Variants in PTPRN2 observed in about 807,000 individuals in gnomAD.
PTPRN2 encodes protein tyrosine phosphatase receptor type N2.
A neutral mutation model predicts 118.8 loss-of-function variants in PTPRN2; 74 were observed. That is an observed-to-expected ratio of 0.62 (90% CI 0.52 to 0.76). PTPRN2 has a LOEUF of 0.76. PTPRN2 is among the 30% of genes least tolerant of loss of function. The pLI is 0.00. For synonymous variants in PTPRN2, 641 were observed against 608.0 expected, an observed-to-expected ratio of 1.05 and a Z score of -0.80; for missense variants, 1,481 against 1,394.4, an observed-to-expected ratio of 1.06 and a Z score of -0.99.
rs1288945557 is a variant in PTPRN2 at position 157,618,323 on chromosome 7, G to A, written c.2344+3039C>T. The A allele has an allele frequency of 6.6e-6, 1 of 152,358 alleles. No homozygotes were observed. Among genetic ancestry groups the A allele is most frequent in the Non-Finnish European group, 1.5e-5 (1 of 68,128 alleles). 9.4% of individuals were successfully genotyped at this position (152,358 alleles called of 1,614,324 possible). ...GGCAGGTGCAGAGGGAGGACTTGAAGGTTCCATCCCTAACAGAGGACAGCG... is the reference window on the plus strand; with the variant it reads ...GGCAGGTGCAGAGGGAGGACTTGAAAGTTCCATCCCTAACAGAGGACAGCG... On this transcript the variant is annotated intron_variant, in intron 15 of 22. Transcript: ENST00000389418. The surrounding 1 kb of genome is among the most constrained non-coding windows in gnomAD (Gnocchi z 4.2).
chr7:158,368,415 A>G (rs905081245), intron 2 of PTPRN2, among the ~76,000 whole-genome samples: 4 of 152,256 alleles, frequency 2.6e-5, no homozygotes, highest in African/African-American at 9.6e-5. Flanking sequence ...TATTCCTACC[A>G]GCATCACTGG....
chr7:157,574,883 C>T (rs1799945525), intron 19 of PTPRN2, among the ~76,000 whole-genome samples: 1 of 152,250 alleles, frequency 6.6e-6, no homozygotes, highest in South Asian at 2.1e-4. Context: ...TGAAAGGTGG[C>T]CTTGGCCGAA....
chr7:157,832,277 G>T (rs942672576), intron 12 of PTPRN2, among the ~76,000 whole-genome samples: 58 of 152,162 alleles, frequency 3.8e-4, no homozygotes, highest in African/African-American at 1.4e-3. Flanking sequence ...GATCAGAGGC[G>T]GCTGCATTCT....
intron 12 of PTPRN2, among the ~76,000 whole-genome samples, chr7:157,790,782 T>G (rs1332498348): frequency 6.6e-6 from 1 of 152,242 alleles, no homozygotes; most frequent in Non-Finnish European, 1.5e-5. Flanking sequence ...ATTAAAAGTT[T>G]GCTATTTCCT....
intron 21 of PTPRN2, among the ~76,000 whole-genome samples, chr7:157,555,844 T>C (rs1019560975): frequency 1.3e-5 from 2 of 152,226 alleles, no homozygotes; most frequent in African/African-American, 4.8e-5. Flanking sequence ...TGACGAATGG[T>C]GATTATTAAG....
chr7:158,014,802 C>T (rs554606606), intron 11 of PTPRN2, among the ~76,000 whole-genome samples: 4 of 152,036 alleles, frequency 2.6e-5, no homozygotes, highest in Admixed American at 2.6e-4. Flanking sequence ...TTCATCCATC[C>T]ACCCGTCCAT....
intron 1 of PTPRN2, among the ~76,000 whole-genome samples, chr7:158,577,684 T>TA (rs1828413596): frequency 6.6e-6 from 1 of 152,186 alleles, no homozygotes; most frequent in South Asian, 2.1e-4. Context: ...TGTAACCTGA[T>TA]AAAACAGACA....
At chr7:157,680,000 C>T (rs1240678787) in intron 13 of PTPRN2, among the ~76,000 whole-genome samples, 2 of 152,180 alleles carry the variant, frequency 1.3e-5, no homozygotes, top group Non-Finnish European at 2.9e-5. Context: ...CCTGACCTTC[C>T]TTTCCCCAGG....
Position 157,737,345 on chromosome 7 carries a change from G to A in PTPRN2, c.1789-54408C>T, listed in dbSNP as rs572562680. Among the ~76,000 whole-genome samples the A allele has an allele frequency of 1.5e-4, 23 of 152,306 alleles. 1 individual carries two copies. In the South Asian group the frequency reaches 4.8e-3, roughly 32 times the overall value. ...TGTCCGTGGTTTGGAGGCTCTGTTC[G>A]CTGAGCCTCAGCACGACCTCAACCT... On this transcript the variant is annotated intron_variant, in intron 12 of 22. Coordinates refer to ENST00000389418, the MANE Select transcript of PTPRN2 (RefSeq NM_002847.5).
chr7:157,658,080 C>T (rs1004326238), intron 13 of PTPRN2, among the ~76,000 whole-genome samples: 9 of 149,738 alleles, frequency 6.0e-5, no homozygotes, highest in South Asian at 2.1e-4. Context: ...TTCAAGAAAG[C>T]ATCCACTGGA....
intron 11 of PTPRN2, among the ~76,000 whole-genome samples, chr7:157,988,063 C>T (rs2128840275): frequency 6.6e-6 from 1 of 152,240 alleles, no homozygotes; most frequent in African/African-American, 2.4e-5. Flanking sequence ...TTGTCTTCTC[C>T]AAGCCAGGGT....
chr7:158,143,226 G>A (rs117346343), intron 6 of PTPRN2, among the ~76,000 whole-genome samples: 14 of 152,334 alleles, frequency 9.2e-5, no homozygotes, highest in Non-Finnish European at 1.8e-4. Context: ...GAAGAGCTGT[G>A]TCTGGAAAAG....
Position 158,268,266 on chromosome 7 carries a change from G to A in PTPRN2, c.277+48553C>T, listed in dbSNP as rs544511980. Reference sequence around the variant, plus strand: ...CAGCCGCACACACACAGAGCGGGGTGTGAAATATCCCAGCCCAGACGCGTG... The same window carrying A: ...CAGCCGCACACACACAGAGCGGGGTATGAAATATCCCAGCCCAGACGCGTG... On this transcript the variant is annotated intron_variant, in intron 3 of 22. Transcript: ENST00000389418. Among the ~76,000 whole-genome samples, 186 of 151,600 alleles carry A rather than the reference G, an allele frequency of 1.2e-3. 2 individuals are homozygous for A. Among genetic ancestry groups the A allele is most frequent in the African/African-American group, 4.1e-3 (170 of 41,304 alleles).
At chr7:158,451,922 G>C (rs1347463947) in intron 2 of PTPRN2, among the ~76,000 whole-genome samples, 1 of 152,062 alleles carries the variant, frequency 6.6e-6, no homozygotes, top group African/African-American at 2.4e-5. Context: ...AAGTCTCTGT[G>C]CCATCTGGAT....
chr7:158,442,361 A>G (rs1817411304), intron 2 of PTPRN2, among the ~76,000 whole-genome samples: 1 of 152,150 alleles, frequency 6.6e-6, no homozygotes, highest in African/African-American at 2.4e-5. Context: ...CAAACGTACG[A>G]GAGCTGAAAG....
At position 157,852,724 on chromosome 7, in the gene PTPRN2, C is replaced by T. The variant is rs367644873; in HGVS notation, c.1788+45949G>A. Among the ~76,000 whole-genome samples the T allele has an allele frequency of 5.4e-3, 828 of 152,090 alleles. 5 individuals carry two copies. The highest frequency in any genetic ancestry group is 0.019 in the African/African-American group (797 of 41,474). On this transcript the variant is annotated intron_variant, in intron 12 of 22. Transcript: ENST00000389418. Reference sequence around the variant, plus strand: ...TCTCTACTAAAAACACAAAAATTAGCTGGGTGTGGTGGTGGGCGCCTGTAA... The same window carrying T: ...TCTCTACTAAAAACACAAAAATTAGTTGGGTGTGGTGGTGGGCGCCTGTAA...
chr7:158,282,953 C>T (rs1799526790), intron 3 of PTPRN2, among the ~76,000 whole-genome samples: 1 of 149,984 alleles, frequency 6.7e-6, no homozygotes, highest in African/African-American at 2.5e-5. Context: ...CCTCGTGCTC[C>T]CACGCAGCAG....
intron 3 of PTPRN2, among the ~76,000 whole-genome samples, chr7:158,264,504 C>G (rs539802608): frequency 6.6e-6 from 1 of 152,186 alleles, no homozygotes; most frequent in East Asian, 1.9e-4. Context: ...TACGACAGAT[C>G]GCCATGGGCC....
chr7:158,401,587 G>A (rs914575573), intron 2 of PTPRN2, among the ~76,000 whole-genome samples: 1 of 152,240 alleles, frequency 6.6e-6, no homozygotes, highest in Non-Finnish European at 1.5e-5. Flanking sequence ...TGGGTCCCAG[G>A]CATTCTAGTG....
Sources: allele counts gnomAD v4.1 joint callset (sites outside exome capture counted in the v4.1 genomes callset), GRCh38; gene constraint gnomAD v4.1.1; non-coding constraint Gnocchi (gnomAD v3.1); transcripts MANE v1.5; gene names NCBI Gene and HGNC (gene_info 2026-07-23, HGNC 2026-07-21).